EZH2: variants seen among roughly 807,000 people sequenced by gnomAD.
EZH2 encodes enhancer of zeste 2 polycomb repressive complex 2 subunit.
EZH2 carries 18 observed loss-of-function variants against 98.4 expected under a neutral mutation model. The ratio of observed to expected loss-of-function variants is 0.18; its 90% CI spans 0.13 to 0.27. The LOEUF (loss-of-function observed/expected upper bound fraction) is 0.27, where lower values mean the gene tolerates loss of function less well. EZH2 is among the 10% of genes least tolerant of loss of function. EZH2 has a pLI of 1.00. For missense variants in EZH2, 470 were observed against 935.1 expected, an observed-to-expected ratio of 0.50 and a Z score of 6.49; for synonymous variants, 338 against 312.3, an observed-to-expected ratio of 1.08 and a Z score of -0.87.
Position 148,857,882 on chromosome 7 carries a change from G to T in EZH2, c.-7-10577C>A, listed in dbSNP as rs777375689. Reference sequence around the variant, plus strand: ...TTTTTAAAAATAACATTCACTTTTAGAAGTGATAACAGAAACAAATTTTAA... The same window carrying T: ...TTTTTAAAAATAACATTCACTTTTATAAGTGATAACAGAAACAAATTTTAA... On this transcript the variant is annotated intron_variant, in intron 1 of 19. Coordinates refer to ENST00000320356, the MANE Select transcript of EZH2 (RefSeq NM_004456.5). Among the ~76,000 whole-genome samples, 57 of 152,060 alleles carry T rather than the reference G, an allele frequency of 3.7e-4. 1 individual carries two copies. The highest frequency in any genetic ancestry group is 2.6e-4 in the Admixed American group (4 of 15,278).
intron 19 of EZH2, 49 bp from the exon 20 acceptor site, chr7:148,807,755 T>G (rs1801852967): frequency 1.5e-6 from 2 of 1,332,676 alleles, no homozygotes; most frequent in South Asian, 2.5e-5. Context: ...CCATCCAACA[T>G]GTGCTGAGAC....
At chr7:148,870,504 C>T (rs148764249) in intron 1 of EZH2, among the ~76,000 whole-genome samples, 542 of 152,072 alleles carry the variant, frequency 3.6e-3, no homozygotes, top group African/African-American at 0.012. Context: ...GAGTTCTAGA[C>T]CAGCCGGGGC....
Position 148,828,819 on chromosome 7 carries a change from A to AAT in EZH2, c.545_546insAT (p.Asn182LysfsTer60). 1 of 1,613,826 alleles carries AAT rather than the reference A, an allele frequency of 6.2e-7. No homozygotes were observed. Among genetic ancestry groups the AAT allele is most frequent in the Non-Finnish European group, 8.5e-7 (1 of 1,179,956 alleles). On this transcript the variant is annotated frameshift_variant, in exon 6 of 20. Transcript: ENST00000320356. LOFTEE classifies it high-confidence loss of function. The stretch of plus-strand genomic sequence containing the variant: ...CTCCATCATCATCATCGTCATCATC[A>AAT]TTATATTGACCAAGGGCATTCACCA...
chr7:148,858,011 G>A (rs1485767025), intron 1 of EZH2, among the ~76,000 whole-genome samples: 3 of 151,110 alleles, frequency 2.0e-5, no homozygotes, highest in Non-Finnish European at 4.4e-5. Context: ...AACAGGTAGT[G>A]GCCAGGCGCA....
At chr7:148,882,556 C>T (rs1301354785) in intron 1 of EZH2, among the ~76,000 whole-genome samples, 13 of 152,088 alleles carry the variant, frequency 8.5e-5, no homozygotes, top group Admixed American at 7.2e-4. Flanking sequence ...TACAAATAAA[C>T]AAGTTAGGAT....
intron 15 of EZH2, 137 bp from the exon 16 acceptor site, chr7:148,811,857 C>A: frequency 1.5e-6 from 1 of 673,208 alleles, no homozygotes. Context: ...TAATTGGGCA[C>A]ACAGCTTCAG....
chr7:148,839,365 T>C (rs1332432754), intron 3 of EZH2, among the ~76,000 whole-genome samples: 3 of 152,034 alleles, frequency 2.0e-5, no homozygotes, highest in African/African-American at 7.2e-5. Context: ...TCCTGATGGG[T>C]TAAATGATAT....
chr7:148,823,117 C>T (rs1393871830), intron 8 of EZH2, among the ~76,000 whole-genome samples: 1 of 152,100 alleles, frequency 6.6e-6, no homozygotes, highest in Non-Finnish European at 1.5e-5. Flanking sequence ...AGCCATTTTT[C>T]ACTTATAAAA....
intron 8 of EZH2, among the ~76,000 whole-genome samples, chr7:148,822,675 C>T (rs1806495715): frequency 1.3e-5 from 2 of 152,104 alleles, no homozygotes; most frequent in African/African-American, 4.8e-5. Context: ...GGCGCAGTGG[C>T]TCACACCAGT....
rs768024085 is a variant in EZH2, at chr7:148,809,061, C to G, written c.2195+10G>C. ...CCTTAGAGATCATGCTAGAAATGTA[C>G]TTTACCAACCTGTAATCAAAAAACA... On this transcript the variant is annotated intron_variant, in intron 19 of 19. Transcript: ENST00000320356. 5 of 1,611,946 alleles carry G rather than the reference C, an allele frequency of 3.1e-6. No homozygotes were observed. Among genetic ancestry groups the G allele is most frequent in the Admixed American group, 1.7e-5 (1 of 59,994 alleles).
intron 8 of EZH2, among the ~76,000 whole-genome samples, chr7:148,822,751 G>A (rs1485645843): frequency 1.3e-5 from 2 of 152,022 alleles, no homozygotes; most frequent in South Asian, 2.1e-4. Flanking sequence ...AGACCAGCCT[G>A]GCCAACATGG....
intron 3 of EZH2, among the ~76,000 whole-genome samples, chr7:148,843,005 C>A (rs557358598): frequency 5.9e-5 from 9 of 151,912 alleles, no homozygotes; most frequent in African/African-American, 2.2e-4. Flanking sequence ...GTCAGGAGTT[C>A]GAGACCAGCC....
chr7:148,848,245 G>A (rs535439535), intron 1 of EZH2, among the ~76,000 whole-genome samples: 8 of 152,234 alleles, frequency 5.3e-5, no homozygotes, highest in East Asian at 3.9e-4. Context: ...AAGGGTGTGC[G>A]GTGAGGGAGT....
chr7:148,875,719 A>G (rs1473134915), intron 1 of EZH2, among the ~76,000 whole-genome samples: 1 of 152,246 alleles, frequency 6.6e-6, no homozygotes, highest in Non-Finnish European at 1.5e-5. Flanking sequence ...AGTAAAATCA[A>G]TATTTACCAC....
intron 3 of EZH2, among the ~76,000 whole-genome samples, chr7:148,838,129 T>G (rs904779185): frequency 2.2e-5 from 3 of 138,614 alleles, no homozygotes; most frequent in Non-Finnish European, 3.0e-5. Context: ...AGTGCAGTGG[T>G]GCAATCATGG....
At chr7:148,851,858 G>A (rs181053830) in intron 1 of EZH2, among the ~76,000 whole-genome samples, 13 of 152,170 alleles carry the variant, frequency 8.5e-5, no homozygotes, top group African/African-American at 2.4e-4. Context: ...GTGACAGAGC[G>A]AGACCCTGTC....
At chr7:148,810,309 C>A in intron 17 of EZH2, 24 bp downstream of exon 17, 1 of 1,574,730 alleles carries the variant, frequency 6.4e-7, no homozygotes, top group Non-Finnish European at 8.7e-7. Context: ...CAGGAACTCA[C>A]TGCCTCCCAG....
intron 1 of EZH2, among the ~76,000 whole-genome samples, chr7:148,848,071 G>A (rs138611278): frequency 1.6e-4 from 25 of 152,264 alleles, no homozygotes; most frequent in Non-Finnish European, 2.6e-4. Flanking sequence ...CTAAACAAGC[G>A]TCTTTTCCTA....
chr7:148,874,456 C>G (rs905566461), intron 1 of EZH2, among the ~76,000 whole-genome samples: 6 of 151,994 alleles, frequency 3.9e-5, no homozygotes, highest in Non-Finnish European at 5.9e-5. Flanking sequence ...TTGGGCTGTT[C>G]TACAGACTAC....
Sources: gnomAD v4.1 joint callset for allele counts (sites outside exome capture counted in the v4.1 genomes callset) on GRCh38, gnomAD v4.1.1 for gene constraint, MANE v1.5 for transcripts, NCBI Gene and HGNC (gene_info 2026-07-23, HGNC 2026-07-21) for gene names.